The following SLC2A2 variants were observed in gnomAD, a reference collection of about 807,000 sequenced individuals.
SLC2A2 encodes solute carrier family 2 member 2, also known as solute carrier family 2, facilitated glucose transporter member 2.
A neutral mutation model predicts 54.5 loss-of-function variants in SLC2A2; 36 were observed. The ratio of observed to expected loss-of-function variants is 0.66; its 90% CI spans 0.51 to 0.87. SLC2A2 has a LOEUF of 0.87. SLC2A2 is among the 40% of genes least tolerant of loss of function. The probability of loss-of-function intolerance (pLI) is 0.00; values close to 1 mark genes in which losing one functional copy is unlikely to be tolerated. For missense variants in SLC2A2, 543 were observed against 624.3 expected (o/e 0.87, Z 1.39); for synonymous variants, 223 against 219.1 (o/e 1.02, Z -0.16).
intron 6 of SLC2A2, 92 bp from the exon 7 acceptor site, chr3:171,005,564 C>A: frequency 2.0e-6 from 2 of 1,013,458 alleles, no homozygotes; most frequent in Non-Finnish European, 3.0e-6. Context: ...TTTCTGCATG[C>A]CCCATTGTAT....
chr3:171,013,667 T>A (rs1018835314), intron 3 of SLC2A2, among the ~76,000 whole-genome samples: 5 of 119,458 alleles, frequency 4.2e-5, no homozygotes, highest in African/African-American at 2.0e-4. Context: ...CATTTTCACT[T>A]TCTAAATTTT....
chr3:171,018,735 C>T (rs371383027), intron 1 of SLC2A2, 112 bp from the exon 2 acceptor site: 9 of 745,838 alleles, frequency 1.2e-5, no homozygotes, highest in East Asian at 1.0e-4. Flanking sequence ...GTTCTTTCCC[C>T]TCAATATCGA....
chr3:171,006,136 A>G (rs1362391134), intron 5 of SLC2A2, 31 bp from the exon 6 acceptor site: 20 of 1,591,740 alleles, frequency 1.3e-5, no homozygotes, highest in Non-Finnish European at 1.5e-5. Flanking sequence ...TATATCAACT[A>G]CATAATACTT....
In SLC2A2 at chr3:170,999,353, A is replaced by AG. The variant is rs541238925; in HGVS notation, c.1069-188dup. 8.5e-5 allele frequency among the ~76,000 whole-genome samples: 13 copies of AG among 152,228 alleles called. No individual in the cohort carries two copies. The South Asian group carries it at 2.7e-3, about 32-fold the overall frequency. On this transcript the variant is annotated intron_variant, in intron 8 of 10. Coordinates refer to ENST00000314251, the MANE Select transcript of SLC2A2 (RefSeq NM_000340.2). ...GACTCTAGCCCCAGGTGGCAGAGCT[A>AG]GTTTCAGTGGACAGCGGGTAATGAT...
intron 4 of SLC2A2, among the ~76,000 whole-genome samples, chr3:171,009,197 T>C (rs1011332203): frequency 1.3e-5 from 2 of 152,130 alleles, no homozygotes; most frequent in Non-Finnish European, 2.9e-5. Context: ...TCTCCCTTTC[T>C]TCAGATGTCT....
intron 1 of SLC2A2, among the ~76,000 whole-genome samples, chr3:171,023,679 T>C (rs1716563396): frequency 6.6e-6 from 1 of 152,310 alleles, no homozygotes; most frequent in East Asian, 1.9e-4. Context: ...TTCTAGATGG[T>C]TTGCCTGTTT....
rs143849166 is a variant in SLC2A2 at position 171,008,085 on chromosome 3, G to T, written c.497-822C>A. 4.7e-4 allele frequency among the ~76,000 whole-genome samples: 72 copies of T among 152,164 alleles called. 3 individuals carry two copies. The East Asian group carries it at 0.013, about 27-fold the overall frequency. ...AGTTCAGAGACTATCGACAGGCAAG[G>T]CTGAATTAAATGTTTGGCATTTTCT... On this transcript the variant is annotated intron_variant, in intron 4 of 10. Coordinates refer to ENST00000314251, the MANE Select transcript of SLC2A2 (RefSeq NM_000340.2).
At position 170,996,487 on chromosome 3, in the gene SLC2A2, A is replaced by G. The variant is rs1217891014; in HGVS notation, c.*1416T>C. On this transcript the variant is annotated 3_prime_UTR_variant, in exon 11 of 11. Coordinates refer to ENST00000314251, the MANE Select transcript of SLC2A2 (RefSeq NM_000340.2). The stretch of plus-strand genomic sequence containing the variant: ...TTTAAAAAGTGCTTTTCTTCAATAC[A>G]CATTAAAGCAAACATAAGAAGGATT... The G allele has an allele frequency of 2.0e-5, 8 of 396,220 alleles. No homozygotes were observed. Among genetic ancestry groups the G allele is most frequent in the African/African-American group, 1.2e-4 (6 of 48,546 alleles). The allele number at this position is 396,220 out of a possible 1,614,324, so 24.5% of individuals were successfully genotyped here.
intron 8 of SLC2A2, among the ~76,000 whole-genome samples, chr3:171,001,314 G>A (rs191404531): frequency 3.9e-4 from 59 of 152,162 alleles, no homozygotes; most frequent in Admixed American, 9.8e-4. Context: ...AGACAAAAGG[G>A]TGAATAGTCC....
chr3:171,019,780 T>G (rs1357422418), intron 1 of SLC2A2, among the ~76,000 whole-genome samples: 1 of 152,220 alleles, frequency 6.6e-6, no homozygotes, highest in African/African-American at 2.4e-5. Flanking sequence ...TTTTAAAGGC[T>G]TAAACATGAG....
chr3:171,026,514 C>T, intron 1 of SLC2A2, 142 bp downstream of exon 1: 1 of 764,412 alleles, frequency 1.3e-6, no homozygotes, highest in Non-Finnish European at 2.4e-6. Context: ...AGAAACAGTT[C>T]TTCAATTGGC....
At chr3:171,025,048 T>A (rs1206387347) in intron 1 of SLC2A2, among the ~76,000 whole-genome samples, 1 of 152,202 alleles carries the variant, frequency 6.6e-6, no homozygotes, top group Non-Finnish European at 1.5e-5. Context: ...AAACTTTAGT[T>A]ATTTGATTAC....
chr3:171,007,065 A>G (rs867922504), intron 5 of SLC2A2, 83 bp downstream of exon 5: 2 of 796,220 alleles, frequency 2.5e-6, no homozygotes, highest in East Asian at 2.6e-5. Flanking sequence ...GAGGAAGTAC[A>G]GTAGGGGATG....
intron 1 of SLC2A2, among the ~76,000 whole-genome samples, chr3:171,020,672 T>A (rs976387544): frequency 6.6e-5 from 10 of 151,908 alleles, no homozygotes; most frequent in African/African-American, 2.4e-4. Flanking sequence ...GGCTTGAGCC[T>A]AAGAGTTCGA....
Position 171,009,912 on chromosome 3 carries a change from GGT to G in SLC2A2, c.496+44_496+45del, listed in dbSNP as rs71176588. The G allele has an allele frequency of 0.15, 185,866 of 1,226,498 alleles. 35 individuals are homozygous for G. The highest frequency in any genetic ancestry group is 0.19 in the South Asian group (13,117 of 68,452). 76.0% of individuals were successfully genotyped at this position (1,226,498 alleles called of 1,614,324 possible). A position where few individuals can be genotyped will look rare whatever the true frequency, so the allele number is the denominator to read the frequency against. On this transcript the variant is annotated intron_variant, in intron 4 of 10. Coordinates refer to ENST00000314251, the MANE Select transcript of SLC2A2 (RefSeq NM_000340.2). ...TTAGAGTTACTTTCAGACAAAGGTA[GGT>G]GTGTGTGTGTGTGTGTGTGTGTGTG...
intron 4 of SLC2A2, 104 bp downstream of exon 4, chr3:171,009,854 C>G (rs140390462): frequency 6.4e-5 from 95 of 1,480,684 alleles, no homozygotes; most frequent in Non-Finnish European, 8.2e-5. Flanking sequence ...ACCCTAGACT[C>G]AAAAATATCC....
chr3:171,003,224 A>T (rs1002097800), intron 7 of SLC2A2, among the ~76,000 whole-genome samples: 23 of 152,030 alleles, frequency 1.5e-4, no homozygotes, highest in South Asian at 1.0e-3. Context: ...AGTCAACATT[A>T]CCTTTGTGAG....
chr3:171,010,394 G>T (rs1211005615), intron 3 of SLC2A2, among the ~76,000 whole-genome samples: 1 of 152,118 alleles, frequency 6.6e-6, no homozygotes, highest in Non-Finnish European at 1.5e-5. Flanking sequence ...CACCATCATG[G>T]TTCATTGAAG....
intron 2 of SLC2A2, among the ~76,000 whole-genome samples, chr3:171,016,742 GC>G (rs1383592774): frequency 7.9e-5 from 12 of 152,228 alleles, no homozygotes; most frequent in African/African-American, 2.2e-4. Flanking sequence ...TAACCTGGAC[GC>G]CAGTATGGGG....
Sources: allele counts gnomAD v4.1 joint callset (sites outside exome capture counted in the v4.1 genomes callset), GRCh38; gene constraint gnomAD v4.1.1; transcripts MANE v1.5; gene names NCBI Gene and HGNC (gene_info 2026-07-23, HGNC 2026-07-21).